The following CADPS2 variants were observed in gnomAD, a reference collection of about 807,000 sequenced individuals.
CADPS2 encodes the protein calcium-dependent secretion activator 2.
CADPS2 carries 93 observed loss-of-function variants against 172.5 expected under a neutral mutation model. The observed-to-expected ratio is 0.54, with a 90% CI of 0.46 to 0.64. The LOEUF is 0.64. CADPS2 is among the 30% of genes least tolerant of loss of function. The probability of loss-of-function intolerance (pLI) is 0.00; values close to 1 mark genes in which losing one functional copy is unlikely to be tolerated. For synonymous variants in CADPS2, 546 were observed against 555.2 expected, an observed-to-expected ratio of 0.98 and a Z score of 0.23; for missense variants, 1,420 against 1,565.9, an observed-to-expected ratio of 0.91 and a Z score of 1.57.
At chr7:122,559,760 G>C (rs1348402126) in intron 7 of CADPS2, among the ~76,000 whole-genome samples, 1 of 120,554 alleles carries the variant, frequency 8.3e-6, no homozygotes, top group Non-Finnish European at 1.6e-5. Context: ...GACAGTGCGA[G>C]ACTCCACCTC....
intron 1 of CADPS2, among the ~76,000 whole-genome samples, chr7:122,856,899 C>G (rs1815404660): frequency 6.6e-6 from 1 of 152,162 alleles, no homozygotes; most frequent in Admixed American, 6.5e-5. Context: ...TATATATCAG[C>G]TCACTTGTTC....
chr7:122,396,116 A>AT (rs1357315368), intron 20 of CADPS2, among the ~76,000 whole-genome samples: 3 of 152,098 alleles, frequency 2.0e-5, no homozygotes, highest in Non-Finnish European at 2.9e-5. Context: ...GGCTAGAACT[A>AT]TTTTTTTAAA....
At chr7:122,542,486 A>C (rs17465881) in intron 8 of CADPS2, among the ~76,000 whole-genome samples, 30,426 of 152,096 alleles carry the variant, frequency 0.2, 4,044 homozygotes, top group Non-Finnish European at 0.3. Context: ...AATGTTCATA[A>C]CTTTCATTTT....
At chr7:122,584,176 C>CA (rs200358605) in intron 6 of CADPS2, among the ~76,000 whole-genome samples, 6,438 of 151,674 alleles carry the variant, frequency 0.042, 147 homozygotes, top group South Asian at 0.1. Flanking sequence ...AAGAGTTTGT[C>CA]AAAAAATGAT....
chr7:122,325,190 A>G (rs917901454), intron 29 of CADPS2, among the ~76,000 whole-genome samples: 3 of 152,178 alleles, frequency 2.0e-5, no homozygotes, highest in Non-Finnish European at 4.4e-5. Flanking sequence ...TAAGAAAATT[A>G]ATGTAAAATT....
chr7:122,732,814 A>ATAT (rs1457705462), intron 2 of CADPS2, among the ~76,000 whole-genome samples: 5 of 142,256 alleles, frequency 3.5e-5, no homozygotes, highest in African/African-American at 1.0e-4. Flanking sequence ...TTATATACAT[A>ATAT]ATGTATATTA....
At chr7:122,594,334 A>G (rs2071400387) in intron 6 of CADPS2, among the ~76,000 whole-genome samples, 1 of 150,946 alleles carries the variant, frequency 6.6e-6, no homozygotes, top group East Asian at 1.9e-4. Context: ...ACTTTAAGGC[A>G]GAAAAATATT....
At chr7:122,407,905 G>A in intron 19 of CADPS2, 1 of 510,288 alleles carries the variant, frequency 2.0e-6, no homozygotes, top group Non-Finnish European at 3.5e-6. Context: ...ATAGAAAATA[G>A]AATTAAAATG....
At chr7:122,426,988 T>G (rs1023416479) in intron 17 of CADPS2, among the ~76,000 whole-genome samples, 5 of 152,188 alleles carry the variant, frequency 3.3e-5, no homozygotes, top group Non-Finnish European at 5.9e-5. Context: ...GTTGAACACT[T>G]GTAATGAGAT....
In CADPS2 at chr7:122,725,478, GCTTTTA is replaced by G. The variant is rs548901149; in HGVS notation, c.453+11471_453+11476del. Among the ~76,000 whole-genome samples, 12 of 151,810 alleles carry G rather than the reference GCTTTTA, an allele frequency of 7.9e-5. No homozygotes were observed. In the South Asian group the frequency reaches 2.5e-3, roughly 32 times the overall value. ...TGGATATACTGCATGGACCATCTGG[GCTTTTA>G]GTGTACCCATCACCCAAATAGTGTA... On this transcript the variant is annotated intron_variant, in intron 2 of 29. Transcript: ENST00000449022.
At chr7:122,868,639 T>C (rs1461070693) in intron 1 of CADPS2, among the ~76,000 whole-genome samples, 1 of 152,152 alleles carries the variant, frequency 6.6e-6, no homozygotes, top group Non-Finnish European at 1.5e-5. Context: ...TTCTCTTATC[T>C]AATGCACAGA....
chr7:122,723,500 A>G (rs1321697432), intron 2 of CADPS2, among the ~76,000 whole-genome samples: 1 of 152,198 alleles, frequency 6.6e-6, no homozygotes, highest in Non-Finnish European at 1.5e-5. Context: ...ACCAGTTAGA[A>G]TGGCAATCAT....
intron 8 of CADPS2, among the ~76,000 whole-genome samples, chr7:122,514,619 T>C (rs1309431235): frequency 6.6e-6 from 1 of 152,006 alleles, no homozygotes; most frequent in African/African-American, 2.4e-5. Flanking sequence ...TACATCGAAA[T>C]AGTCATACTC....
chr7:122,601,625 A>G (rs1429430044), intron 6 of CADPS2, among the ~76,000 whole-genome samples: 1 of 152,060 alleles, frequency 6.6e-6, no homozygotes, highest in African/African-American at 2.4e-5. Flanking sequence ...ATGTTACATG[A>G]ATATCTTTGC....
At chr7:122,820,059 T>G (rs979202727) in intron 1 of CADPS2, among the ~76,000 whole-genome samples, 3 of 152,168 alleles carry the variant, frequency 2.0e-5, no homozygotes, top group African/African-American at 7.2e-5. Context: ...TAGTTCAGGA[T>G]CTGTGCCTAA....
chr7:122,418,007 T>C (rs574144678), intron 17 of CADPS2, among the ~76,000 whole-genome samples: 2 of 152,076 alleles, frequency 1.3e-5, no homozygotes, highest in South Asian at 2.1e-4. Flanking sequence ...CCATCTCTAC[T>C]AAAAATACAA....
At chr7:122,477,035 GAGGAGAGGAGAGAGAGA>G (rs1169754887) in intron 12 of CADPS2, among the ~76,000 whole-genome samples, 6 of 96,022 alleles carry the variant, frequency 6.2e-5, no homozygotes, top group Admixed American at 1.1e-4. Flanking sequence ...GAGGAGAGGA[GAGGAGAGGAGAGAGAGA>G]AGAGAGAGAG....
intron 2 of CADPS2, among the ~76,000 whole-genome samples, chr7:122,686,709 GAC>G (rs1371756585): frequency 6.6e-6 from 1 of 152,208 alleles, no homozygotes; most frequent in African/African-American, 2.4e-5. Flanking sequence ...TCTCCACCCT[GAC>G]AGAGTCTCAT....
chr7:122,368,516 C>A (rs908775355), intron 25 of CADPS2, among the ~76,000 whole-genome samples: 1 of 152,186 alleles, frequency 6.6e-6, no homozygotes, highest in Non-Finnish European at 1.5e-5. Context: ...GGAGACTGGA[C>A]TGGTGACTAG....
Sources: allele counts gnomAD v4.1 joint callset (sites outside exome capture counted in the v4.1 genomes callset), GRCh38; gene constraint gnomAD v4.1.1; transcripts MANE v1.5; gene names NCBI Gene and HGNC (gene_info 2026-07-23, HGNC 2026-07-21).